The following VPS13D variants were observed in gnomAD, a reference collection of about 807,000 sequenced individuals.
VPS13D encodes vacuolar protein sorting 13 homolog D.
A neutral mutation model predicts 461.9 loss-of-function variants in VPS13D; 187 were observed. The ratio of observed to expected loss-of-function variants is 0.40; its 90% confidence interval spans 0.36 to 0.46. The LOEUF (loss-of-function observed/expected upper bound fraction) is 0.46, where lower values mean the gene tolerates loss of function less well. Among genes scored for constraint, VPS13D ranks in the 20% least tolerant of loss-of-function variants. The probability of loss-of-function intolerance (pLI) is 0.60; values close to 1 mark genes in which losing one functional copy is unlikely to be tolerated. For missense variants in VPS13D, 4,711 were observed against 5,364.9 expected (o/e 0.88, Z 3.81); for synonymous variants, 1,951 against 1,986.3 (o/e 0.98, Z 0.47).
chr1:12,321,654 G>A (rs946582410), intron 32 of VPS13D, among the ~76,000 whole-genome samples, 155 bp from the exon 33 acceptor site: 1 of 152,126 alleles, frequency 6.6e-6, no homozygotes, highest in Non-Finnish European at 1.5e-5. Flanking sequence ...GGCAGCGGTG[G>A]GGGGCTTCAC....
At chr1:12,358,379 A>G (rs1444449105) in intron 49 of VPS13D, 80 bp from the exon 50 acceptor site, 1 of 1,560,132 alleles carries the variant, frequency 6.4e-7, no homozygotes, top group Non-Finnish European at 8.7e-7. Flanking sequence ...TGATAACTGT[A>G]TTAGTGTTTC....
chr1:12,235,750 C>T (rs550431741), intron 2 of VPS13D, among the ~76,000 whole-genome samples: 4 of 152,110 alleles, frequency 2.6e-5, no homozygotes, highest in Non-Finnish European at 5.9e-5. Context: ...GTGGAAAGTG[C>T]GAGTGAGCAG....
At chr1:12,494,358 G>C (rs776575727) in intron 67 of VPS13D, among the ~76,000 whole-genome samples, 2 of 152,188 alleles carry the variant, frequency 1.3e-5, no homozygotes, top group Non-Finnish European at 2.9e-5. Flanking sequence ...TATTGGGAGT[G>C]GGGGTGAGGT....
intron 26 of VPS13D, among the ~76,000 whole-genome samples, chr1:12,306,003 A>G (rs1474808591): frequency 6.7e-6 from 1 of 150,312 alleles, no homozygotes; most frequent in East Asian, 1.9e-4. Context: ...TATTTTTTTG[A>G]GATGGAGTCT....
chr1:12,467,210 C>T (rs773746148), intron 67 of VPS13D, among the ~76,000 whole-genome samples: 9 of 152,136 alleles, frequency 5.9e-5, no homozygotes, highest in South Asian at 2.1e-4. Context: ...CTTGCTCTGT[C>T]GCCCAGGCTG....
rs952664280 is a variant in VPS13D, at chr1:12,495,615, G to A, written c.12663-1885G>A. Among the ~76,000 whole-genome samples, 1 of 152,168 alleles carries A rather than the reference G, an allele frequency of 6.6e-6. No individual in the cohort carries two copies. Among genetic ancestry groups the A allele is most frequent in the Non-Finnish European group, 1.5e-5 (1 of 68,020 alleles). On this transcript the variant is annotated intron_variant, in intron 67 of 69. Coordinates refer to ENST00000620676, the MANE Select transcript of VPS13D (RefSeq NM_015378.4). The surrounding 1 kb of genome is among the most constrained non-coding windows in gnomAD (Gnocchi z 4.0). ...CGAGATGGAGAAATAGTCAGATTTG[G>A]GATATATATTGAATTTGAGCCTGCA...
At chr1:12,461,878 A>C (rs528932804) in intron 67 of VPS13D, among the ~76,000 whole-genome samples, 1 of 152,322 alleles carries the variant, frequency 6.6e-6, no homozygotes, top group East Asian at 1.9e-4. Context: ...GCAAGTCTTC[A>C]TGGGGGTTTT....
In VPS13D at chr1:12,335,812, C is replaced by G; in HGVS notation, c.8536C>G (p.Pro2846Ala). 1 of 1,614,048 alleles carries G rather than the reference C, an allele frequency of 6.2e-7. No individual in the cohort carries two copies. Among genetic ancestry groups the G allele is most frequent in the Non-Finnish European group, 8.5e-7 (1 of 1,179,960 alleles). The part of the protein sequence containing the change: ...EDWMGSSVDP[P>A]CFGQSLPLVY... ...CTGGATGGGCTCTTCGGTGGATCCT[C>G]CATGTTTTGGACAAAGTAAGAGTTT... The change falls in exon 39 of 70, where the codon CCA becomes GCA. Residue 2846 changes from proline to alanine, a missense_variant. This residue lies in a region of VPS13D where 4,411 missense variants were observed against 4,937.8 expected (regional missense o/e 0.89). Transcript: ENST00000620676.
intron 18 of VPS13D, 51 bp downstream of exon 18, chr1:12,273,186 C>T (rs771995538): frequency 6.3e-7 from 1 of 1,598,716 alleles, no homozygotes; most frequent in Non-Finnish European, 8.5e-7. Context: ...GATGGATGAT[C>T]TATCTATGAT....
rs1003976998 is a variant in VPS13D, at chr1:12,260,808, T to C, written c.1212+14T>C. 2.5e-6 allele frequency: 4 copies of C among 1,613,690 alleles called. No homozygotes were observed. Among genetic ancestry groups the C allele is most frequent in the Non-Finnish European group, 3.4e-6 (4 of 1,179,702 alleles). On this transcript the variant is annotated intron_variant, in intron 11 of 69. Transcript: ENST00000620676. ...GAACTAGCAGAGGTAAGAAATCCTC[T>C]ACAAGAGGATTTGTTCAGACCCAGC...
At position 12,258,662 on chromosome 1, in the gene VPS13D, G is replaced by C. The variant is rs138003268; in HGVS notation, c.1110+559G>C. On this transcript the variant is annotated intron_variant, in intron 10 of 69. Coordinates refer to ENST00000620676, the MANE Select transcript of VPS13D (RefSeq NM_015378.4). Reference sequence around the variant, plus strand: ...CCACCCCTTCTCTAGCTGTCTGCCTGCTCTCTTTTGGGGGAAGGTATTGGG... The same window carrying C: ...CCACCCCTTCTCTAGCTGTCTGCCTCCTCTCTTTTGGGGGAAGGTATTGGG... Among the ~76,000 whole-genome samples the C allele has an allele frequency of 1.1e-4, 17 of 152,290 alleles. No homozygotes were observed. In the East Asian group the frequency reaches 2.7e-3, roughly 24 times the overall value.
At chr1:12,375,219 C>T (rs537697706) in intron 55 of VPS13D, among the ~76,000 whole-genome samples, 42 of 152,260 alleles carry the variant, frequency 2.8e-4, no homozygotes, top group African/African-American at 9.2e-4. Flanking sequence ...TCCAGGGAGC[C>T]CTCATCCCTT....
At chr1:12,250,547 T>G (rs954502746) in intron 6 of VPS13D, among the ~76,000 whole-genome samples, 1 of 151,138 alleles carries the variant, frequency 6.6e-6, no homozygotes, top group Non-Finnish European at 1.5e-5. Context: ...AAATGACGTA[T>G]TTTTCTTTAT....
chr1:12,254,171 G>A (rs893850217), intron 7 of VPS13D, among the ~76,000 whole-genome samples: 8 of 152,036 alleles, frequency 5.3e-5, no homozygotes, highest in Non-Finnish European at 8.8e-5. Flanking sequence ...GCATGTTCAC[G>A]TAACATACTT....
In VPS13D at chr1:12,386,423, A is replaced by G; in HGVS notation, c.11634+89A>G. On this transcript the variant is annotated intron_variant, in intron 60 of 69. Coordinates refer to ENST00000620676, the MANE Select transcript of VPS13D (RefSeq NM_015378.4). ...AATGTTTGATGTTCTAAGAACTTTA[A>G]TGTTTTGGAGGAAATATCTTGTGGC... is the stretch of plus-strand genomic sequence containing the variant. 5 of 1,401,292 alleles carry G rather than the reference A, an allele frequency of 3.6e-6. No individual in the cohort carries two copies. In the South Asian group the frequency reaches 7.8e-5, roughly 22 times the overall value. The allele number at this position is 1,401,292 out of a possible 1,614,324, so 86.8% of individuals were successfully genotyped here.
chr1:12,428,861 G>A (rs1644957677), intron 65 of VPS13D, among the ~76,000 whole-genome samples: 1 of 152,220 alleles, frequency 6.6e-6, no homozygotes, highest in Non-Finnish European at 1.5e-5. Flanking sequence ...TTTTTGTGAG[G>A]ATGTGGAACA....
At position 12,363,099 on chromosome 1, in the gene VPS13D, T is replaced by C. The variant is rs1191289909; in HGVS notation, c.10300T>C (p.Ser3434Pro). Residue 3434 changes from serine to proline, a missense_variant, in exon 52 of 70, where the codon TCC (serine) becomes CCC (proline). Physicochemically the swap from Ser to Pro is moderately conservative, Grantham distance 74. Coordinates refer to ENST00000620676, the MANE Select transcript of VPS13D (RefSeq NM_015378.4). ...AACAGCCAATCCCGAAGGTTACATT[T>C]CCACCCTTCCTGGTTCCAGTGTGGT... ...QGTANPEGYI[S>P]TLPGSSVVFH... 7.4e-6 allele frequency: 12 copies of C among 1,614,098 alleles called. No individual in the cohort carries two copies. The highest frequency in any genetic ancestry group is 1.0e-5 in the Non-Finnish European group (12 of 1,180,052).
chr1:12,349,926 C>A (rs79830092), intron 46 of VPS13D, among the ~76,000 whole-genome samples: 858 of 152,252 alleles, frequency 5.6e-3, no homozygotes, highest in African/African-American at 0.016. Flanking sequence ...TTTAGACTTT[C>A]AACTTATTTA....
chr1:12,329,237 A>G (rs377443164), intron 36 of VPS13D, among the ~76,000 whole-genome samples: 1 of 151,962 alleles, frequency 6.6e-6, no homozygotes, highest in South Asian at 2.1e-4. Flanking sequence ...TTTTTGAGAC[A>G]AGAGTCTTGC....
Sources: allele counts gnomAD v4.1 joint callset (sites outside exome capture counted in the v4.1 genomes callset), GRCh38; gene constraint gnomAD v4.1.1; regional missense constraint gnomAD v4.1.1; non-coding constraint Gnocchi (gnomAD v3.1); transcripts MANE v1.5; gene names NCBI Gene and HGNC (gene_info 2026-07-23, HGNC 2026-07-21).